TBC1D9: variants seen among roughly 807,000 people sequenced by gnomAD.
TBC1D9 encodes the protein TBC1 domain family member 9A.
A neutral mutation model predicts 132.0 loss-of-function variants in TBC1D9; 63 were observed. The ratio of observed to expected loss-of-function variants is 0.48; its 90% CI spans 0.39 to 0.59. The LOEUF is 0.59. TBC1D9 is among the 20% of genes least tolerant of loss of function. The probability of loss-of-function intolerance (pLI) is 0.00; values close to 1 mark genes in which losing one functional copy is unlikely to be tolerated. For missense variants in TBC1D9, 1,261 were observed against 1,592.7 expected, an observed-to-expected ratio of 0.79 and a Z score of 3.54; for synonymous variants, 610 against 609.9, an observed-to-expected ratio of 1.00 and a Z score of 0.00.
In TBC1D9 at chr4:140,657,624, T is replaced by C. The variant is rs756159494; in HGVS notation, c.2110A>G (p.Lys704Glu). ...VVDCFFYEGIKVIFQLALAVL... is the reference protein window; with the variant it reads ...VVDCFFYEGIEVIFQLALAVL... Reference sequence around the variant, plus strand: ...GCTAGGGCCAACTGGAATATCACTTTAATTCCTTCATAGAAGAAACAGTCA... The same window carrying C: ...GCTAGGGCCAACTGGAATATCACTTCAATTCCTTCATAGAAGAAACAGTCA... Residue 704 changes from lysine to glutamate, a missense_variant, in exon 12 of 21, where the codon AAA (lysine) becomes GAA (glutamate). Physicochemically the swap from Lys to Glu is moderately conservative, Grantham distance 56 (BLOSUM62 1). This residue lies in a region of TBC1D9 where 618 missense variants were observed against 724.4 expected (regional missense o/e 0.85). Transcript: ENST00000442267. 1 of 1,614,004 alleles carries C rather than the reference T, an allele frequency of 6.2e-7. No homozygotes were observed. Among genetic ancestry groups the C allele is most frequent in the Non-Finnish European group, 8.5e-7 (1 of 1,179,874 alleles).
intron 9 of TBC1D9, 28 bp downstream of exon 9, chr4:140,668,889 G>A (rs111636015): frequency 0.053 from 85,127 of 1,610,574 alleles, 2,670 homozygotes; most frequent in Non-Finnish European, 0.061. Flanking sequence ...AGACTTTGAC[G>A]CCAGCATTCC....
chr4:140,660,833 G>A lies in TBC1D9; in HGVS notation c.1803+1060C>T, dbSNP rs183088664. On this transcript the variant is annotated intron_variant, in intron 10 of 20. Coordinates refer to ENST00000442267, the MANE Select transcript of TBC1D9 (RefSeq NM_015130.3). ...AACGTGTGCATGTACGTGCACTTGTGTGTTGAAGTAGGAGTTCAGCCTCTT... is the reference window on the plus strand; with the variant it reads ...AACGTGTGCATGTACGTGCACTTGTATGTTGAAGTAGGAGTTCAGCCTCTT... Among the ~76,000 whole-genome samples the A allele has an allele frequency of 3.3e-3, 497 of 152,342 alleles. 3 individuals are homozygous for A. The highest frequency in any genetic ancestry group is 5.3e-3 in the Non-Finnish European group (361 of 68,030).
intron 6 of TBC1D9, among the ~76,000 whole-genome samples, chr4:140,674,872 T>A (rs913889580): frequency 2.6e-5 from 4 of 151,854 alleles, no homozygotes; most frequent in African/African-American, 9.7e-5. Context: ...CTAATTTTTT[T>A]AAATTTTTAA....
At chr4:140,635,271 A>C (rs947421972) in intron 15 of TBC1D9, among the ~76,000 whole-genome samples, 2 of 152,128 alleles carry the variant, frequency 1.3e-5, no homozygotes, top group Middle Eastern at 3.2e-3. Flanking sequence ...TGAGCCCAGG[A>C]ATTAGAGAAC....
At chr4:140,628,222 T>C in intron 17 of TBC1D9, 78 bp downstream of exon 17, 3 of 1,252,082 alleles carry the variant, frequency 2.4e-6, no homozygotes, top group Non-Finnish European at 3.5e-6. Flanking sequence ...AAGAGGACGA[T>C]CAGGTTACAC....
At chr4:140,624,409 AG>A in intron 18 of TBC1D9, 21 bp from the exon 19 acceptor site, 1 of 1,589,486 alleles carries the variant, frequency 6.3e-7, no homozygotes, top group Non-Finnish European at 8.6e-7. Flanking sequence ...ATGGTTCAGA[AG>A]AAAAAAGTAG....
intron 1 of TBC1D9, among the ~76,000 whole-genome samples, chr4:140,703,882 T>A (rs191000013): frequency 3.3e-5 from 5 of 152,362 alleles, no homozygotes; most frequent in Admixed American, 1.3e-4. Flanking sequence ...TTACTGTGAC[T>A]TGGATTTACT....
chr4:140,620,820 C>T lies in TBC1D9; in HGVS notation c.*1375G>A, dbSNP rs1212199462. On this transcript the variant is annotated 3_prime_UTR_variant, in exon 21 of 21. Coordinates refer to ENST00000442267, the MANE Select transcript of TBC1D9 (RefSeq NM_015130.3). Reference sequence around the variant, plus strand: ...TGTATTTTATTTGTTCACATTTAGCCTATTTGAGGTTAACACTACTTCATT... The same window carrying T: ...TGTATTTTATTTGTTCACATTTAGCTTATTTGAGGTTAACACTACTTCATT... 6.6e-6 allele frequency: 1 copy of T among 152,496 alleles called. No homozygotes were observed. Among genetic ancestry groups the T allele is most frequent in the Admixed American group, 6.6e-5 (1 of 15,264 alleles). 9.4% of individuals were successfully genotyped at this position (152,496 alleles called of 1,614,324 possible).
At chr4:140,642,547 A>AG (rs1413789565) in intron 13 of TBC1D9, 59 of 1,126,396 alleles carry the variant, frequency 5.2e-5, no homozygotes, top group Non-Finnish European at 7.4e-5. Context: ...GGTGAGGGAG[A>AG]GGGCCTTTGT....
At chr4:140,641,955 A>G in intron 13 of TBC1D9, 1 of 529,816 alleles carries the variant, frequency 1.9e-6, no homozygotes, top group Non-Finnish European at 3.4e-6. Flanking sequence ...GGAGATAGTA[A>G]CCTTAGTCAA....
intron 13 of TBC1D9, chr4:140,643,191 G>T: frequency 2.1e-6 from 3 of 1,420,184 alleles, no homozygotes; most frequent in Non-Finnish European, 2.9e-6. Context: ...CTCCAGTGAG[G>T]GCCGAGCCAC....
intron 8 of TBC1D9, 29 bp downstream of exon 8, chr4:140,669,605 A>G (rs758449080): frequency 6.3e-7 from 1 of 1,588,202 alleles, no homozygotes; most frequent in Non-Finnish European, 8.6e-7. Flanking sequence ...AAATCTACAA[A>G]GTTTCAGGGA....
At chr4:140,709,246 TCTCA>T (rs1190325368) in intron 1 of TBC1D9, among the ~76,000 whole-genome samples, 107 of 102,374 alleles carry the variant, frequency 1.0e-3, no homozygotes, top group South Asian at 3.8e-3. Context: ...TCTCTCTCTC[TCTCA>T]CACACACACA....
rs1737368755 is a variant in TBC1D9 at position 140,662,018 on chromosome 4, T to C, written c.1678A>G (p.Ile560Val). The change falls in exon 10 of 21, where the codon ATT becomes GTT. Residue 560 changes from isoleucine (I) to valine (V), a missense_variant. Around this residue, in one of 3 missense-constraint regions of TBC1D9, gnomAD observed 93 missense variants for 169.2 expected, o/e 0.55. Transcript: ENST00000442267. ...AGGGAGCGGTGTAAATCCCTCTCAA[T>C]CTCCTCCGTGGCGAGATTATACTTC... ...MGKYNLATEE[I>V]ERDLHRSLPE... is the part of the protein sequence containing the mutation. The C allele has an allele frequency of 6.2e-7, 1 of 1,613,772 alleles. No individual in the cohort carries two copies. The highest frequency in any genetic ancestry group is 1.7e-5 in the Admixed American group (1 of 59,984).
chr4:140,660,587 C>T (rs1737341034), intron 10 of TBC1D9, among the ~76,000 whole-genome samples: 1 of 152,200 alleles, frequency 6.6e-6, no homozygotes, highest in Non-Finnish European at 1.5e-5. Context: ...ATGGTCCCTG[C>T]CAGTTCCTTA....
intron 1 of TBC1D9, among the ~76,000 whole-genome samples, chr4:140,748,379 T>C (rs1451128253): frequency 2.6e-5 from 4 of 152,048 alleles, no homozygotes; most frequent in Non-Finnish European, 5.9e-5. Context: ...ATGTCTAACA[T>C]ACATGTAATT....
intron 16 of TBC1D9, among the ~76,000 whole-genome samples, chr4:140,630,652 G>A (rs1030207121): frequency 6.6e-6 from 1 of 152,152 alleles, no homozygotes; most frequent in African/African-American, 2.4e-5. Flanking sequence ...TTCGAGTGGT[G>A]AGCAGCCAAA....
chr4:140,716,921 T>C (rs915247585), intron 1 of TBC1D9, among the ~76,000 whole-genome samples: 1 of 134,616 alleles, frequency 7.4e-6, no homozygotes, highest in Non-Finnish European at 1.6e-5. Flanking sequence ...ATGGGGGCTG[T>C]AAAAAAAAAA....
intron 10 of TBC1D9, among the ~76,000 whole-genome samples, chr4:140,661,106 G>T (rs1231303896): frequency 6.6e-6 from 1 of 152,102 alleles, no homozygotes; most frequent in Non-Finnish European, 1.5e-5. Flanking sequence ...AGTAGAGACG[G>T]TGTTTCACCG....
Sources: allele counts gnomAD v4.1 joint callset (sites outside exome capture counted in the v4.1 genomes callset), GRCh38; gene constraint gnomAD v4.1.1; regional missense constraint gnomAD v4.1.1; transcripts MANE v1.5; gene names NCBI Gene and HGNC (gene_info 2026-07-23, HGNC 2026-07-21).